The following LAMB1 variants were observed in gnomAD, a reference collection of about 807,000 sequenced individuals.
The protein encoded by LAMB1 is laminin subunit beta 1, also known as laminin subunit beta-1.
A neutral mutation model predicts 222.3 loss-of-function variants in LAMB1; 121 were observed. The ratio of observed to expected loss-of-function variants is 0.54; its 90% confidence interval spans 0.47 to 0.63. LAMB1 has a LOEUF of 0.63. LAMB1 is among the 30% of genes least tolerant of loss of function. LAMB1 has a pLI of 0.00. For missense variants in LAMB1, 2,172 were observed against 2,240.8 expected (o/e 0.97, Z 0.62); for synonymous variants, 794 against 807.2 (o/e 0.98, Z 0.28).
At chr7:107,962,709 A>G (rs1341275181) in intron 15 of LAMB1, among the ~76,000 whole-genome samples, 196 bp downstream of exon 15, 1 of 58,892 alleles carries the variant, frequency 1.7e-5, no homozygotes, top group Non-Finnish European at 3.3e-5. Context: ...GCGAGACTCA[A>G]AAAAAAAAAA....
chr7:107,965,848 T>TCCCA (rs915736698), intron 13 of LAMB1, among the ~76,000 whole-genome samples: 1 of 151,834 alleles, frequency 6.6e-6, no homozygotes, highest in African/African-American at 2.4e-5. Context: ...ACGTCTATAA[T>TCCCA]CCCACACTTT....
intron 24 of LAMB1, among the ~76,000 whole-genome samples, chr7:107,950,007 G>A (rs1295590835): frequency 6.6e-6 from 1 of 152,164 alleles, no homozygotes; most frequent in African/African-American, 2.4e-5. Context: ...CGAGGCGGGT[G>A]AATCATGAGG....
intron 2 of LAMB1, chr7:108,002,367 C>A (rs1425815263): frequency 7.6e-7 from 1 of 1,316,452 alleles, no homozygotes; most frequent in Non-Finnish European, 1.0e-6. Flanking sequence ...TCCAGGGAAG[C>A]GCCAGGTCCT....
intron 24 of LAMB1, chr7:107,942,306 T>G (rs1036867127): frequency 4.6e-5 from 7 of 152,402 alleles, no homozygotes; most frequent in African/African-American, 1.4e-4. Context: ...TGAAAAACTT[T>G]CTAATGGAAC....
At chr7:107,952,951 G>A (rs1413422376) in intron 22 of LAMB1, among the ~76,000 whole-genome samples, 1 of 151,220 alleles carries the variant, frequency 6.6e-6, no homozygotes, top group Non-Finnish European at 1.5e-5. Context: ...CCCTCTACTG[G>A]ATGCCATTTA....
intron 13 of LAMB1, among the ~76,000 whole-genome samples, chr7:107,966,983 G>A (rs760270094): frequency 1.4e-4 from 21 of 152,220 alleles, no homozygotes; most frequent in Non-Finnish European, 2.5e-4. Context: ...ACTCATTCTT[G>A]TGGCTTTCCT....
intron 7 of LAMB1, among the ~76,000 whole-genome samples, chr7:107,984,289 C>T (rs533388108): frequency 6.6e-6 from 1 of 152,278 alleles, no homozygotes; most frequent in African/African-American, 2.4e-5. Context: ...TGCTCTGTCA[C>T]CCAGGCTGGA....
intron 27 of LAMB1, among the ~76,000 whole-genome samples, chr7:107,933,293 G>A (rs1241363677): frequency 2.0e-5 from 3 of 152,140 alleles, no homozygotes; most frequent in African/African-American, 7.2e-5. Flanking sequence ...CAGTGAAAAG[G>A]AGTTAACAGA....
chr7:107,960,596 T>C lies in LAMB1; in HGVS notation c.2163A>G (p.Ser721=), dbSNP rs1389501312. 4 of 1,614,232 alleles carry C rather than the reference T, an allele frequency of 2.5e-6. No individual in the cohort carries two copies. The highest frequency in any genetic ancestry group is 1.1e-5 in the South Asian group (1 of 91,086). Residue 721 remains serine, a synonymous_variant, in exon 18 of 34, where the codon TCA becomes TCG. Transcript: ENST00000222399. ...CACTGTTGGTGACCACCCCATCTCC[T>C]GAACCTCCCACGGTGAAGATGTCCA... is the stretch of plus-strand genomic sequence containing the variant. ...KSLDIFTVGG[S]GDGVVTNSAW... is the part of the protein sequence containing the mutation.
At position 107,978,575 on chromosome 7, in the gene LAMB1, A is replaced by G. The variant is rs546849838; in HGVS notation, c.880-408T>C. On this transcript the variant is annotated intron_variant, in intron 8 of 33. Transcript: ENST00000222399. ...ACATACCACCTGGAAACCAATTTATATTACTGCACGATTTACCACTTAGCC... is the reference window on the plus strand; with the variant it reads ...ACATACCACCTGGAAACCAATTTATGTTACTGCACGATTTACCACTTAGCC... 2.0e-5 allele frequency among the ~76,000 whole-genome samples: 3 copies of G among 152,290 alleles called. No individual in the cohort carries two copies. The South Asian group carries it at 6.2e-4, about 32-fold the overall frequency.
intron 20 of LAMB1, among the ~76,000 whole-genome samples, chr7:107,956,951 C>T (rs1165655192): frequency 6.6e-6 from 1 of 152,132 alleles, no homozygotes; most frequent in Non-Finnish European, 1.5e-5. Context: ...AATTTGGGGT[C>T]CTTAAAGCAA....
chr7:107,931,698 T>C (rs936572909), intron 28 of LAMB1, 198 bp from the exon 29 acceptor site: 3 of 581,622 alleles, frequency 5.2e-6, no homozygotes, highest in African/African-American at 1.9e-5. Flanking sequence ...CTAAACAGTA[T>C]TCTGATATAA....
chr7:107,985,440 C>T (rs890886298), intron 7 of LAMB1, among the ~76,000 whole-genome samples: 9 of 151,542 alleles, frequency 5.9e-5, no homozygotes, highest in Admixed American at 3.9e-4. Context: ...GCCTGGCCAA[C>T]ATGGTGAAAA....
chr7:107,935,335 T>G, intron 27 of LAMB1, 80 bp downstream of exon 27: 8 of 1,504,250 alleles, frequency 5.3e-6, no homozygotes, highest in African/African-American at 1.6e-5. Context: ...AAAAGATGGT[T>G]TGTTTTTCTT....
intron 2 of LAMB1, chr7:108,002,075 C>G (rs915074679): frequency 2.8e-5 from 41 of 1,469,290 alleles, no homozygotes; most frequent in Middle Eastern, 2.4e-4. Context: ...CCCTCCACTT[C>G]GACGTGTCCG....
chr7:107,969,287 C>CA (rs367658684), intron 13 of LAMB1, among the ~76,000 whole-genome samples: 17,900 of 85,508 alleles, frequency 0.21, 1,394 homozygotes, highest in Admixed American at 0.26. Context: ...GACTCCGTCT[C>CA]AAAAAAAAAA....
chr7:107,955,499 T>C lies in LAMB1; in HGVS notation c.2822A>G (p.Gln941Arg). 1.2e-6 allele frequency: 2 copies of C among 1,614,082 alleles called. No individual in the cohort carries two copies. The highest frequency in any genetic ancestry group is 1.7e-5 in the Admixed American group (1 of 60,018). Residue 941 changes from glutamine to arginine, a missense_variant, in exon 21 of 34, where the codon CAG becomes CGG. Transcript: ENST00000222399. ...RSCYQDPVTLQLACVCDPGYI... is the reference protein window; with the variant it reads ...RSCYQDPVTLRLACVCDPGYI... Reference sequence around the variant, plus strand: ...TCCAGGATCACAAACACAGGCAAGCTGTAAAGTAACAGGATCTTGGTAGCA... The same window carrying C: ...TCCAGGATCACAAACACAGGCAAGCCGTAAAGTAACAGGATCTTGGTAGCA...
intron 24 of LAMB1, 34 bp from the exon 25 acceptor site, chr7:107,940,392 T>C: frequency 6.3e-7 from 1 of 1,588,610 alleles, no homozygotes; most frequent in Non-Finnish European, 8.6e-7. Flanking sequence ...GCTGATCTAC[T>C]TAATCATGAA....
At chr7:107,994,823 T>C in intron 5 of LAMB1, 64 bp downstream of exon 5, 1 of 882,444 alleles carries the variant, frequency 1.1e-6, no homozygotes, top group South Asian at 1.6e-5. Flanking sequence ...TGACATCCAT[T>C]TTGAAAGGGG....
Sources: gnomAD v4.1 joint callset for allele counts (sites outside exome capture counted in the v4.1 genomes callset) on GRCh38, gnomAD v4.1.1 for gene constraint, MANE v1.5 for transcripts, NCBI Gene and HGNC (gene_info 2026-07-23, HGNC 2026-07-21) for gene names.